PCGF5: variants seen among roughly 807,000 people sequenced by gnomAD.
PCGF5 encodes polycomb group RING finger protein 5.
PCGF5 carries 9 observed loss-of-function variants against 44.3 expected under a neutral mutation model. The ratio of observed to expected loss-of-function variants is 0.20; its 90% confidence interval spans 0.12 to 0.35. PCGF5 has a LOEUF of 0.35. PCGF5 is among the 10% of genes least tolerant of loss of function. The pLI is 1.00. For synonymous variants in PCGF5, 95 were observed against 102.5 expected, an observed-to-expected ratio of 0.93 and a Z score of 0.44; for missense variants, 146 against 305.3, an observed-to-expected ratio of 0.48 and a Z score of 3.89.
chr10:91,266,484 G>A (rs559358288), intron 8 of PCGF5, among the ~76,000 whole-genome samples: 1 of 152,180 alleles, frequency 6.6e-6, no homozygotes, highest in East Asian at 1.9e-4. Flanking sequence ...GTTGTTTAAG[G>A]CATATTTTAA....
At chr10:91,236,926 A>G (rs1845181194) in intron 2 of PCGF5, among the ~76,000 whole-genome samples, 1 of 152,206 alleles carries the variant, frequency 6.6e-6, no homozygotes, top group Non-Finnish European at 1.5e-5. Context: ...ATCTAATTGT[A>G]CAAGTAGACA....
intron 1 of PCGF5, among the ~76,000 whole-genome samples, chr10:91,190,622 A>G (rs1318979967): frequency 2.6e-5 from 4 of 152,232 alleles, no homozygotes; most frequent in African/African-American, 4.8e-5. Context: ...TCTGTGTAAC[A>G]TTGATGCTCT....
intron 6 of PCGF5, among the ~76,000 whole-genome samples, chr10:91,253,829 A>G (rs1184533526): frequency 1.3e-5 from 2 of 152,104 alleles, no homozygotes; most frequent in Non-Finnish European, 2.9e-5. Context: ...GATGGTAAGT[A>G]TTTTAGGCTC....
At chr10:91,254,186 T>C (rs1431084497) in intron 6 of PCGF5, among the ~76,000 whole-genome samples, 2 of 147,994 alleles carry the variant, frequency 1.4e-5, no homozygotes, top group Non-Finnish European at 3.0e-5. Flanking sequence ...TCTCTCTCTG[T>C]CTCTTCCCCT....
chr10:91,269,235 T>G lies in PCGF5; in HGVS notation c.664-2403T>G, dbSNP rs1303791865. ...TCCCTGTAGTTTCCACATCTATAAA[T>G]TGAGGATGCAGAATTACAGAATCAG... is the stretch of plus-strand genomic sequence containing the variant. On this transcript the variant is annotated intron_variant, in intron 8 of 9. Coordinates refer to ENST00000336126, the MANE Select transcript of PCGF5 (RefSeq NM_032373.5). Among the ~76,000 whole-genome samples the G allele has an allele frequency of 3.3e-5, 5 of 152,224 alleles. No homozygotes were observed. In the South Asian group the frequency reaches 1.0e-3, roughly 32 times the overall value.
intron 1 of PCGF5, among the ~76,000 whole-genome samples, chr10:91,203,629 ATATT>A (rs1156278490): frequency 6.6e-6 from 1 of 152,210 alleles, no homozygotes; most frequent in Non-Finnish European, 1.5e-5. Context: ...TGCTTAATAT[ATATT>A]TGTACAAGAC....
At chr10:91,198,218 C>G (rs1437163508) in intron 1 of PCGF5, among the ~76,000 whole-genome samples, 1 of 152,180 alleles carries the variant, frequency 6.6e-6, no homozygotes, top group African/African-American at 2.4e-5. Flanking sequence ...CTTACAGTGG[C>G]CCAGAAGAGC....
At position 91,163,950 on chromosome 10, in the gene PCGF5, C is replaced by T. The variant is rs114871446; in HGVS notation, c.-184+869C>T. Among the ~76,000 whole-genome samples, 315 of 152,354 alleles carry T rather than the reference C, an allele frequency of 2.1e-3. 1 individual carries two copies. Among genetic ancestry groups the T allele is most frequent in the African/African-American group, 7.1e-3 (295 of 41,598 alleles). On this transcript the variant is annotated intron_variant, in intron 1 of 9. Transcript: ENST00000614189. ...TTCGCTGCCACCTCTCCTGGGTCTA[C>T]AGGTTTCTGGCCCCAGGCGTTTGTA...
intron 3 of PCGF5, 96 bp from the exon 4 acceptor site, chr10:91,248,408 AT>A: frequency 8.9e-7 from 1 of 1,122,378 alleles, no homozygotes; most frequent in Non-Finnish European, 1.3e-6. Flanking sequence ...TTGTGTATGT[AT>A]TTTGTAACAT....
rs1846487154 is a variant in PCGF5, at chr10:91,282,854, A to G, written c.*4538A>G. On this transcript the variant is annotated 3_prime_UTR_variant, in exon 10 of 10. Coordinates refer to ENST00000336126, the MANE Select transcript of PCGF5 (RefSeq NM_032373.5). ...AAATGAATGAGTTTGCCATAACTTT[A>G]ATTTTCTGGATTAGAAACACAAAAC... 3.3e-5 allele frequency: 5 copies of G among 152,656 alleles called. No homozygotes were observed. The highest frequency in any genetic ancestry group is 3.3e-4 in the Admixed American group (5 of 15,286). 9.5% of individuals were successfully genotyped at this position (152,656 alleles called of 1,614,324 possible).
At chr10:91,235,578 T>C (rs1342090500) in intron 2 of PCGF5, among the ~76,000 whole-genome samples, 1 of 152,042 alleles carries the variant, frequency 6.6e-6, no homozygotes, top group Non-Finnish European at 1.5e-5. Flanking sequence ...GTGGCCGATA[T>C]GGTTTGGCTG....
chr10:91,184,425 T>C (rs1334133719), intron 1 of PCGF5, among the ~76,000 whole-genome samples: 1 of 152,214 alleles, frequency 6.6e-6, no homozygotes, highest in Admixed American at 6.5e-5. Flanking sequence ...TACAGTACTC[T>C]CTACTGGCTG....
intron 1 of PCGF5, among the ~76,000 whole-genome samples, chr10:91,211,857 T>C (rs1238463098): frequency 6.6e-6 from 1 of 152,062 alleles, no homozygotes; most frequent in East Asian, 1.9e-4. Flanking sequence ...ATAGAGCTTA[T>C]CTGGAACCAG....
chr10:91,204,894 C>G (rs941616733), intron 1 of PCGF5, among the ~76,000 whole-genome samples: 7 of 152,188 alleles, frequency 4.6e-5, no homozygotes, highest in African/African-American at 1.4e-4. Flanking sequence ...CCTTGATGTT[C>G]AAGTTTTAAC....
intron 8 of PCGF5, among the ~76,000 whole-genome samples, chr10:91,269,754 C>T (rs1248876766): frequency 6.6e-6 from 1 of 152,126 alleles, no homozygotes; most frequent in African/African-American, 2.4e-5. Context: ...CTGACATCCT[C>T]CCCAACACTG....
chr10:91,177,437 A>G lies in PCGF5; in HGVS notation c.-184+14356A>G, dbSNP rs920056817. On this transcript the variant is annotated intron_variant, in intron 1 of 9. Coordinates refer to the PCGF5 transcript ENST00000614189. ...AACCACTACTGTCTTCCAAGCTGTC[A>G]GACAGAGACATTTAAGTCTGCAGAG... Among the ~76,000 whole-genome samples the G allele has an allele frequency of 2.0e-5, 3 of 152,242 alleles. 1 individual carries two copies. Among genetic ancestry groups the G allele is most frequent in the Non-Finnish European group, 4.4e-5 (3 of 68,042 alleles).
upstream of PCGF5, among the ~76,000 whole-genome samples, chr10:91,159,714 A>T (rs147957460): frequency 1.5e-3 from 233 of 152,336 alleles, no homozygotes; most frequent in African/African-American, 5.4e-3. Context: ...TCTCATGACA[A>T]CCCACTGAAG....
intron 1 of PCGF5, among the ~76,000 whole-genome samples, chr10:91,201,523 A>G (rs947295260): frequency 1.7e-4 from 26 of 151,958 alleles, no homozygotes; most frequent in African/African-American, 5.8e-4. Context: ...CCCAATGTGT[A>G]AAAAAAATAC....
intron 1 of PCGF5, among the ~76,000 whole-genome samples, chr10:91,178,395 C>CT (rs5786943): frequency 0.16 from 23,448 of 143,406 alleles, 1,953 homozygotes; most frequent in Admixed American, 0.22. Flanking sequence ...CTTTTCTTTT[C>CT]TTTTTTTTTT....
Sources: allele counts gnomAD v4.1 joint callset (sites outside exome capture counted in the v4.1 genomes callset), GRCh38; gene constraint gnomAD v4.1.1; transcripts MANE v1.5; gene names NCBI Gene and HGNC (gene_info 2026-07-23, HGNC 2026-07-21).